Variants in PLXDC2 observed in about 807,000 individuals in gnomAD.
The protein encoded by PLXDC2 is plexin domain-containing protein 2.
Under a neutral mutation model 68.9 loss-of-function variants are expected in PLXDC2, and 40 were observed. The observed-to-expected ratio is 0.58, with a 90% confidence interval of 0.45 to 0.76. The LOEUF is 0.76. Ranked by LOEUF, PLXDC2 falls within the 30% of genes least tolerant of loss-of-function variation. The pLI is 0.00. For synonymous variants in PLXDC2, 243 were observed against 234.2 expected, an observed-to-expected ratio of 1.04 and a Z score of -0.34; for missense variants, 644 against 661.9, an observed-to-expected ratio of 0.97 and a Z score of 0.30.
At chr10:19,836,063 G>T (rs1836786260) in intron 1 of PLXDC2, among the ~76,000 whole-genome samples, 1 of 152,030 alleles carries the variant, frequency 6.6e-6, no homozygotes, top group Non-Finnish European at 1.5e-5. Context: ...TGTGGTCCCA[G>T]CTACACTGGA....
At chr10:20,006,105 G>A (rs557233394) in intron 2 of PLXDC2, among the ~76,000 whole-genome samples, 6 of 152,008 alleles carry the variant, frequency 3.9e-5, no homozygotes, top group East Asian at 1.9e-4. Flanking sequence ...GCATGAGCAC[G>A]GGAGTGTAGG....
intron 1 of PLXDC2, among the ~76,000 whole-genome samples, chr10:19,929,676 T>C (rs1833594418): frequency 1.3e-5 from 2 of 152,124 alleles, no homozygotes; most frequent in African/African-American, 4.8e-5. Flanking sequence ...AGCACAAAGC[T>C]ATGAGTCAGG....
chr10:19,885,925 A>G (rs955616846), intron 1 of PLXDC2, among the ~76,000 whole-genome samples: 3 of 151,982 alleles, frequency 2.0e-5, no homozygotes. Context: ...ATGGCATTGA[A>G]TCTATAAATT....
At chr10:19,830,095 G>A (rs1464773356) in intron 1 of PLXDC2, among the ~76,000 whole-genome samples, 1 of 151,996 alleles carries the variant, frequency 6.6e-6, no homozygotes. Context: ...ATGATATATG[G>A]GTAAACAATG....
intron 1 of PLXDC2, among the ~76,000 whole-genome samples, chr10:19,860,166 A>T: frequency 6.6e-6 from 1 of 152,232 alleles, no homozygotes; most frequent in Middle Eastern, 3.4e-3. Context: ...TTTTTCCCCA[A>T]GGGGGTCTGG....
At chr10:20,230,772 A>C (rs929907072) in intron 12 of PLXDC2, among the ~76,000 whole-genome samples, 18 of 150,704 alleles carry the variant, frequency 1.2e-4, no homozygotes, top group African/African-American at 4.1e-4. Flanking sequence ...TTAGACAAAA[A>C]AAAAAAATTA....
At chr10:19,935,810 A>T (rs2131393425) in intron 1 of PLXDC2, among the ~76,000 whole-genome samples, 1 of 152,366 alleles carries the variant, frequency 6.6e-6, no homozygotes, top group African/African-American at 2.4e-5. Flanking sequence ...CAGTGAAGTT[A>T]TAACCATGAC....
intron 4 of PLXDC2, among the ~76,000 whole-genome samples, chr10:20,124,742 G>A (rs1277406545): frequency 6.6e-6 from 1 of 151,956 alleles, no homozygotes; most frequent in African/African-American, 2.4e-5. Context: ...GTACTCAGTG[G>A]GGGAGCTTTT....
chr10:20,270,214 G>T (rs11011923), intron 13 of PLXDC2, among the ~76,000 whole-genome samples: 1 of 151,706 alleles, frequency 6.6e-6, no homozygotes, highest in African/African-American at 2.4e-5. Flanking sequence ...GGACAAGAAT[G>T]AGGCTAATAC....
intron 1 of PLXDC2, among the ~76,000 whole-genome samples, chr10:19,906,809 A>G (rs2131371273): frequency 6.6e-6 from 1 of 152,278 alleles, no homozygotes; most frequent in African/African-American, 2.4e-5. Context: ...ATTTTCACAT[A>G]TAAAATGACA....
At chr10:20,096,672 A>T (rs1833353544) in intron 4 of PLXDC2, among the ~76,000 whole-genome samples, 1 of 152,130 alleles carries the variant, frequency 6.6e-6, no homozygotes, top group African/African-American at 2.4e-5. Flanking sequence ...TTTAGGCCTA[A>T]GGACCTCAAG....
intron 2 of PLXDC2, among the ~76,000 whole-genome samples, chr10:20,041,171 T>TCACC (rs1270776066): frequency 6.6e-6 from 1 of 152,224 alleles, no homozygotes; most frequent in Non-Finnish European, 1.5e-5. Context: ...GGTACATTGA[T>TCACC]CACCCATTGG....
At chr10:19,883,253 C>T (rs1405719349) in intron 1 of PLXDC2, among the ~76,000 whole-genome samples, 16 of 151,732 alleles carry the variant, frequency 1.1e-4, no homozygotes, top group East Asian at 5.9e-4. Context: ...TGAGCCACCC[C>T]GCCTGGCCAC....
chr10:20,062,298 C>T (rs1412601525), intron 3 of PLXDC2, among the ~76,000 whole-genome samples: 5 of 152,124 alleles, frequency 3.3e-5, no homozygotes, highest in Non-Finnish European at 2.9e-5. Flanking sequence ...GTGGCGCATG[C>T]GTGTAGTCCC....
intron 1 of PLXDC2, among the ~76,000 whole-genome samples, chr10:19,981,426 C>A (rs1024578683): frequency 2.6e-5 from 4 of 152,132 alleles, no homozygotes; most frequent in Non-Finnish European, 5.9e-5. Flanking sequence ...TTTTGTCTTT[C>A]GTCAGTTTAC....
At chr10:20,152,714 A>G (rs1396571245) in intron 6 of PLXDC2, among the ~76,000 whole-genome samples, 1 of 152,150 alleles carries the variant, frequency 6.6e-6, no homozygotes, top group Non-Finnish European at 1.5e-5. Context: ...TATGACTAAT[A>G]ACTCCAATAT....
rs2778979 is a variant in PLXDC2, at chr10:20,245,404, A to G, written c.1372A>G (p.Ile458Val). 1,417,953 of 1,613,752 alleles carry G rather than the reference A, an allele frequency of 0.88. 627,645 individuals carry two copies. Among genetic ancestry groups the G allele is most frequent in the Middle Eastern group, 0.95 (5,717 of 6,018 alleles). ...GGGAACCCTCCACGCTGGCCTCATC[A>G]TTGGAATCCTCATCCTGGTCCTCAT... ...KGGTLHAGLI[I>V]GILILVLIVA... Residue 458 changes from isoleucine (I) to valine (V), a missense_variant, in exon 13 of 14, where the codon ATT becomes GTT. Transcript: ENST00000377252.
chr10:20,240,711 C>CAAAAA (rs202138349), intron 12 of PLXDC2, among the ~76,000 whole-genome samples: 2 of 100,014 alleles, frequency 2.0e-5, no homozygotes, highest in African/African-American at 3.8e-5. Flanking sequence ...TTGCAGTAGC[C>CAAAAA]AAAAAAAAAA....
intron 1 of PLXDC2, among the ~76,000 whole-genome samples, chr10:19,985,439 A>G (rs772098492): frequency 3.3e-5 from 5 of 152,220 alleles, no homozygotes; most frequent in Admixed American, 6.5e-5. Context: ...AGTAGTGTTC[A>G]GTTGTTTTCT....
Sources: allele counts gnomAD v4.1 joint callset (sites outside exome capture counted in the v4.1 genomes callset), GRCh38; gene constraint gnomAD v4.1.1; transcripts MANE v1.5; gene names NCBI Gene and HGNC (gene_info 2026-07-23, HGNC 2026-07-21).